The following USP15 variants were observed in gnomAD, a reference collection of about 807,000 sequenced individuals.
USP15 encodes the protein ubiquitin carboxyl-terminal hydrolase 15.
USP15 carries 18 observed loss-of-function variants against 127.1 expected under a neutral mutation model. The ratio of observed to expected loss-of-function variants is 0.14; its 90% confidence interval spans 0.10 to 0.21. The LOEUF is 0.21. USP15 is among the 10% of genes least tolerant of loss of function. The pLI, the probability that USP15 is intolerant of heterozygous loss-of-function variation, is 1.00. For synonymous variants in USP15, 364 were observed against 393.7 expected (o/e 0.92, Z 0.89); for missense variants, 805 against 1,159.9 (o/e 0.69, Z 4.44).
chr12:62,353,977 G>A (rs1167656436), intron 7 of USP15, among the ~76,000 whole-genome samples: 1 of 151,910 alleles, frequency 6.6e-6, no homozygotes, highest in South Asian at 2.1e-4. Flanking sequence ...TCTCAGGGTG[G>A]ATTATTTTTT....
chr12:62,266,214 A>G (rs1363883069), intron 1 of USP15, among the ~76,000 whole-genome samples: 1 of 152,184 alleles, frequency 6.6e-6, no homozygotes, highest in Non-Finnish European at 1.5e-5. Flanking sequence ...TGGCCCCTTC[A>G]CATATAGTTT....
chr12:62,343,574 T>C (rs2065715144), intron 6 of USP15, among the ~76,000 whole-genome samples: 1 of 152,138 alleles, frequency 6.6e-6, no homozygotes, highest in Non-Finnish European at 1.5e-5. Flanking sequence ...ATCTGCAGAT[T>C]GCAAAAACCA....
intron 1 of USP15, among the ~76,000 whole-genome samples, chr12:62,260,766 C>T (rs2063025586): frequency 6.6e-6 from 1 of 152,162 alleles, no homozygotes. Flanking sequence ...CGGTTCTCTT[C>T]GTCCTCCTTC....
At chr12:62,381,863 TTTTG>T (rs1236763926) in intron 9 of USP15, among the ~76,000 whole-genome samples, 200 bp downstream of exon 9, 3 of 151,350 alleles carry the variant, frequency 2.0e-5, no homozygotes, top group Non-Finnish European at 4.4e-5. Context: ...TCTGTTTTGT[TTTTG>T]TTTTTGTTTT....
intron 1 of USP15, among the ~76,000 whole-genome samples, chr12:62,275,687 C>T (rs1358821810): frequency 3.3e-5 from 5 of 151,882 alleles, no homozygotes; most frequent in Admixed American, 2.0e-4. Flanking sequence ...GAAAAGGTCT[C>T]CAAGGAAGCA....
At chr12:62,280,332 G>GTT in intron 1 of USP15, among the ~76,000 whole-genome samples, 1 of 152,178 alleles carries the variant, frequency 6.6e-6, no homozygotes, top group Non-Finnish European at 1.5e-5. Flanking sequence ...GCAGATATGT[G>GTT]AAAGATTATA....
At chr12:62,393,286 A>G (rs1592725959) in intron 19 of USP15, 84 bp downstream of exon 19, 1 of 1,489,384 alleles carries the variant, frequency 6.7e-7, no homozygotes, top group African/African-American at 1.4e-5. Context: ...CCTTTAGTAA[A>G]CATCAGGTGC....
rs145151805 is a variant in USP15, at chr12:62,291,693, T to C, written c.90-2486T>C. Among the ~76,000 whole-genome samples the C allele has an allele frequency of 3.6e-3, 545 of 152,324 alleles. 2 individuals carry two copies. The highest frequency in any genetic ancestry group is 0.012 in the African/African-American group (508 of 41,580). Reference sequence around the variant, plus strand: ...GACTGTTTTCCCTTGAGGATGTGACTGTAATGTATGTTGAATATGGTCATT... The same window carrying C: ...GACTGTTTTCCCTTGAGGATGTGACCGTAATGTATGTTGAATATGGTCATT... On this transcript the variant is annotated intron_variant, in intron 1 of 21. Coordinates refer to ENST00000280377, the MANE Select transcript of USP15 (RefSeq NM_001252078.2).
At chr12:62,399,419 C>T (rs961225077) in intron 20 of USP15, among the ~76,000 whole-genome samples, 4 of 152,088 alleles carry the variant, frequency 2.6e-5, no homozygotes, top group African/African-American at 9.7e-5. Context: ...TTTTGTTAGC[C>T]CAACAGGACT....
intron 8 of USP15, among the ~76,000 whole-genome samples, chr12:62,355,809 G>C (rs1267596177): frequency 2.1e-5 from 3 of 142,698 alleles, no homozygotes; most frequent in Admixed American, 7.1e-5. Context: ...GTAGAAGTCT[G>C]TTGCACTTTT....
At chr12:62,328,711 G>C (rs548667095) in intron 6 of USP15, among the ~76,000 whole-genome samples, 1 of 152,180 alleles carries the variant, frequency 6.6e-6, no homozygotes, top group African/African-American at 2.4e-5. Flanking sequence ...TACAGGTCCA[G>C]AATTAGCTGA....
chr12:62,310,311 C>T (rs1901238), intron 3 of USP15, among the ~76,000 whole-genome samples: 130,905 of 151,776 alleles, frequency 0.86, 56,789 homozygotes, highest in African/African-American at 0.95. Context: ...TGCTCTGCTA[C>T]CAAACATTGA....
chr12:62,265,351 T>A (rs773052119), intron 1 of USP15, among the ~76,000 whole-genome samples: 2 of 152,238 alleles, frequency 1.3e-5, no homozygotes, highest in African/African-American at 4.8e-5. Context: ...GGTACTGTTA[T>A]AAATGCATAT....
intron 3 of USP15, among the ~76,000 whole-genome samples, chr12:62,309,320 A>G (rs2064586564): frequency 6.6e-6 from 1 of 152,160 alleles, no homozygotes; most frequent in Non-Finnish European, 1.5e-5. Flanking sequence ...TTGAAAATTT[A>G]GATGAAGTGG....
chr12:62,383,409 CACAT>C (rs2067048882), intron 9 of USP15, among the ~76,000 whole-genome samples: 1 of 151,926 alleles, frequency 6.6e-6, no homozygotes, highest in African/African-American at 2.4e-5. Flanking sequence ...GCATATCTAA[CACAT>C]ACTTTTTCTC....
At chr12:62,396,510 A>G in intron 20 of USP15, 112 bp downstream of exon 20, 1 of 909,090 alleles carries the variant, frequency 1.1e-6, no homozygotes, top group Non-Finnish European at 1.7e-6. Context: ...TGTGTCTTGC[A>G]TATAGTAGTT....
intron 1 of USP15, among the ~76,000 whole-genome samples, chr12:62,261,483 T>C (rs1231171969): frequency 6.6e-6 from 1 of 152,208 alleles, no homozygotes; most frequent in Non-Finnish European, 1.5e-5. Flanking sequence ...ATATAATTCA[T>C]AGAGTGTTTC....
chr12:62,381,075 T>C (rs1208914452), intron 8 of USP15, among the ~76,000 whole-genome samples: 2 of 152,080 alleles, frequency 1.3e-5, no homozygotes, highest in East Asian at 3.8e-4. Flanking sequence ...AATACCTCTA[T>C]TAAGTTAATT....
At chr12:62,325,253 T>C (rs2137297748) in intron 5 of USP15, among the ~76,000 whole-genome samples, 1 of 152,124 alleles carries the variant, frequency 6.6e-6, no homozygotes, top group Middle Eastern at 3.4e-3. Flanking sequence ...TCTGTCTGCC[T>C]CATCCATGCT....
Sources: gnomAD v4.1 joint callset for allele counts (sites outside exome capture counted in the v4.1 genomes callset) on GRCh38, gnomAD v4.1.1 for gene constraint, MANE v1.5 for transcripts, NCBI Gene and HGNC (gene_info 2026-07-23, HGNC 2026-07-21) for gene names.